Variants in MACROD1 observed in about 807,000 individuals in gnomAD.
The protein encoded by MACROD1 is mono-ADP ribosylhydrolase 1.
In MACROD1, 31 loss-of-function variants were observed where a neutral mutation model predicts 41.4. That is an observed-to-expected ratio of 0.75 (90% CI 0.56 to 1.01). The LOEUF (loss-of-function observed/expected upper bound fraction) is 1.01. MACROD1 is among the 50% of genes least tolerant of loss of function. The pLI is 0.00. For synonymous variants in MACROD1, 252 were observed against 203.4 expected, an observed-to-expected ratio of 1.24 and a Z score of -2.03; for missense variants, 473 against 460.0, an observed-to-expected ratio of 1.03 and a Z score of -0.26.
At chr11:64,155,369 C>T (rs543094377) in intron 1 of MACROD1, among the ~76,000 whole-genome samples, 10 of 152,360 alleles carry the variant, frequency 6.6e-5, no homozygotes, top group African/African-American at 2.2e-4. Context: ...TGGTGGCAGC[C>T]GGCCTAGACC....
chr11:64,100,222 T>C (rs1439618876), intron 3 of MACROD1, among the ~76,000 whole-genome samples: 3 of 152,150 alleles, frequency 2.0e-5, no homozygotes, highest in Non-Finnish European at 4.4e-5. Flanking sequence ...TCCCCTGGCA[T>C]ATATGTATGG....
At chr11:64,154,326 G>A (rs1945632126) in intron 1 of MACROD1, among the ~76,000 whole-genome samples, 1 of 151,906 alleles carries the variant, frequency 6.6e-6, no homozygotes, top group Admixed American at 6.6e-5. Context: ...TCGAGACCCT[G>A]CACCAGGGGT....
Position 64,041,411 on chromosome 11 carries a change from T to C in MACROD1, c.518-26130A>G, listed in dbSNP as rs571055159. On this transcript the variant is annotated intron_variant, in intron 3 of 10. Coordinates refer to ENST00000255681, the MANE Select transcript of MACROD1 (RefSeq NM_014067.4). ...TGTCCTCAAAAATGCTGCCGGGTGC[T>C]GGAACCAGGAGGGGCTTTTCCTGGG... is the stretch of plus-strand genomic sequence containing the variant. Among the ~76,000 whole-genome samples the C allele has an allele frequency of 1.2e-3, 179 of 151,858 alleles. 1 individual carries two copies. The highest frequency in any genetic ancestry group is 1.4e-3 in the Admixed American group (22 of 15,268).
intron 4 of MACROD1, among the ~76,000 whole-genome samples, chr11:64,003,119 TCCTCCA>T (rs995265020): frequency 5.9e-5 from 9 of 152,204 alleles, no homozygotes; most frequent in Admixed American, 5.2e-4. Context: ...GATGAAGCCT[TCCTCCA>T]CCTGTGGCCA....
At chr11:64,101,926 C>T (rs969117833) in intron 3 of MACROD1, among the ~76,000 whole-genome samples, 2 of 152,252 alleles carry the variant, frequency 1.3e-5, no homozygotes, top group Non-Finnish European at 2.9e-5. Flanking sequence ...TGCACACCAC[C>T]TGGCTGGCAC....
intron 3 of MACROD1, chr11:64,035,859 G>C (rs1223581478): frequency 6.9e-6 from 1 of 145,946 alleles, no homozygotes; most frequent in African/African-American, 2.5e-5. Context: ...CGCGGGCACC[G>C]CCGCTGGTCC....
At chr11:64,143,754 A>ACACC (rs1945449256) in intron 3 of MACROD1, among the ~76,000 whole-genome samples, 1 of 6,260 alleles carries the variant, frequency 1.6e-4, no homozygotes, top group Non-Finnish European at 5.3e-4. Context: ...ACACACACAT[A>ACACC]CACACACACA....
At chr11:64,018,257 C>G (rs1406056816) in intron 3 of MACROD1, among the ~76,000 whole-genome samples, 1 of 152,202 alleles carries the variant, frequency 6.6e-6, no homozygotes, top group Non-Finnish European at 1.5e-5. Flanking sequence ...GCCCCCTTCT[C>G]TAGCCCCCTG....
At chr11:64,083,423 TG>T (rs1944337293) in intron 3 of MACROD1, among the ~76,000 whole-genome samples, 1 of 152,166 alleles carries the variant, frequency 6.6e-6, no homozygotes, top group Non-Finnish European at 1.5e-5. Context: ...CAACACTGCC[TG>T]GGCAACACAG....
At chr11:64,050,484 G>A (rs1943672585) in intron 3 of MACROD1, among the ~76,000 whole-genome samples, 1 of 152,210 alleles carries the variant, frequency 6.6e-6, no homozygotes, top group African/African-American at 2.4e-5. Context: ...TCCTGGCTGT[G>A]TGGCCATGGA....
intron 3 of MACROD1, among the ~76,000 whole-genome samples, chr11:64,028,651 C>G (rs969462890): frequency 1.3e-5 from 2 of 152,106 alleles, no homozygotes. Flanking sequence ...CATCGCGCCC[C>G]GCCCCCTGCC....
rs189047255 is a variant in MACROD1, at chr11:64,150,506, G to A, written c.517+733C>T. On this transcript the variant is annotated intron_variant, in intron 3 of 10. Coordinates refer to ENST00000255681, the MANE Select transcript of MACROD1 (RefSeq NM_014067.4). The stretch of plus-strand genomic sequence containing the variant: ...AATGCTTGGTGCAGATGCCAGGTAA[G>A]CAAAGGAGCAAGCGAGCAGGCGGGC... Among the ~76,000 whole-genome samples, 597 of 152,294 alleles carry A rather than the reference G, an allele frequency of 3.9e-3. 3 individuals carry two copies. Among genetic ancestry groups the A allele is most frequent in the Middle Eastern group, 6.8e-3 (2 of 294 alleles).
At chr11:64,044,132 A>G (rs1274608248) in intron 3 of MACROD1, among the ~76,000 whole-genome samples, 6 of 152,094 alleles carry the variant, frequency 3.9e-5, no homozygotes, top group Non-Finnish European at 7.4e-5. Context: ...ATGGCATCTT[A>G]AAGCATATGC....
rs1245398824 is a variant in MACROD1, at chr11:64,067,135, T to C, written c.518-51854A>G. Among the ~76,000 whole-genome samples, 1 of 152,044 alleles carries C rather than the reference T, an allele frequency of 6.6e-6. No homozygotes were observed. Among genetic ancestry groups the C allele is most frequent in the Non-Finnish European group, 1.5e-5 (1 of 67,998 alleles). On this transcript the variant is annotated intron_variant, in intron 3 of 10. Coordinates refer to ENST00000255681, the MANE Select transcript of MACROD1 (RefSeq NM_014067.4). The surrounding 1 kb of genome is among the most constrained non-coding windows in gnomAD (Gnocchi z 4.6). ...CATTACACCACAGGCCAGGGCCAAG[T>C]AGGCAGGGCTGGTGGGGGTGGGAGG...
chr11:64,062,680 G>A (rs1437178278), intron 3 of MACROD1, among the ~76,000 whole-genome samples: 1 of 152,234 alleles, frequency 6.6e-6, no homozygotes, highest in Non-Finnish European at 1.5e-5. Flanking sequence ...TCTCAGGGAA[G>A]CCAGAGTGCT....
At chr11:64,140,114 C>G (rs1041296953) in intron 3 of MACROD1, among the ~76,000 whole-genome samples, 1 of 152,198 alleles carries the variant, frequency 6.6e-6, no homozygotes, top group Admixed American at 6.5e-5. Flanking sequence ...CCCTGAAGGC[C>G]TTCAGGGGTC....
At chr11:64,092,867 G>C (rs1944513814) in intron 3 of MACROD1, among the ~76,000 whole-genome samples, 1 of 152,242 alleles carries the variant, frequency 6.6e-6, no homozygotes, top group African/African-American at 2.4e-5. Context: ...CAAAGTCAAT[G>C]GGTAACCGCT....
intron 4 of MACROD1, among the ~76,000 whole-genome samples, 179 bp downstream of exon 4, chr11:64,015,073 G>A (rs1275868879): frequency 6.6e-6 from 1 of 152,200 alleles, no homozygotes; most frequent in African/African-American, 2.4e-5. Flanking sequence ...TTGCCTGGTG[G>A]TGAGGGTGCC....
chr11:64,137,167 G>A (rs1325044546), intron 3 of MACROD1, among the ~76,000 whole-genome samples: 1 of 152,248 alleles, frequency 6.6e-6, no homozygotes, highest in African/African-American at 2.4e-5. Flanking sequence ...GCTCATCTGA[G>A]AGAAACAGCA....
Sources: gnomAD v4.1 joint callset for allele counts (sites outside exome capture counted in the v4.1 genomes callset) on GRCh38, gnomAD v4.1.1 for gene constraint, Gnocchi (gnomAD v3.1) non-coding constraint, MANE v1.5 for transcripts, NCBI Gene and HGNC (gene_info 2026-07-23, HGNC 2026-07-21) for gene names.